Variants in ZNF599 observed in about 807,000 individuals in gnomAD.
ZNF599 encodes the protein zinc finger protein 599.
In ZNF599, 10 loss-of-function variants were observed where a neutral mutation model predicts 11.7. That is an observed-to-expected ratio of 0.86 (90% confidence interval 0.53 to 1.45). The LOEUF (loss-of-function observed/expected upper bound fraction) is 1.45. Ranked by LOEUF, ZNF599 falls within the 40% of genes most tolerant of loss-of-function variation. ZNF599 has a pLI of 0.00. For missense variants in ZNF599, 688 were observed against 713.6 expected (o/e 0.96, Z 0.41); for synonymous variants, 232 against 253.2 (o/e 0.92, Z 0.79).
chr19:34,779,486 A>T, the ZNF599 span: 1 of 456,714 alleles, frequency 2.2e-6, no homozygotes. Flanking sequence ...GGCTTTGGAT[A>T]ATTTCTCACA....
intron 3 of ZNF599, 61 bp downstream of exon 3, chr19:34,767,255 G>T: frequency 7.4e-7 from 1 of 1,347,394 alleles, no homozygotes; most frequent in Non-Finnish European, 1.1e-6. Flanking sequence ...TTCAGACACA[G>T]TGATGCCTGG....
At chr19:34,788,333 T>C in the ZNF599 span, among the ~76,000 whole-genome samples, 1 of 152,186 alleles carries the variant, frequency 6.6e-6, no homozygotes, top group African/African-American at 2.4e-5. Context: ...GAATTTCGGT[T>C]CATATCCTAA....
At position 34,759,503 on chromosome 19, in the gene ZNF599, C is replaced by T. The variant is rs866256729; in HGVS notation, c.1298G>A (p.Cys433Tyr). The stretch of plus-strand genomic sequence containing the variant: ...ATGTTGAATTAAGGAAGAGCTGTCA[C>T]AAAAGGCCTTCCCACATTCTTTGCA... ...FECKECGKAFCDSSSLIQHMR... is the reference protein window; with the variant it reads ...FECKECGKAFYDSSSLIQHMR... Residue 433 changes from cysteine to tyrosine, a missense_variant, in exon 4 of 4, where the codon TGT (cysteine) becomes TAT (tyrosine). Cys to Tyr is a radical substitution (Grantham distance 194). Coordinates refer to ENST00000329285, the MANE Select transcript of ZNF599 (RefSeq NM_001007248.3). 1.2e-6 allele frequency: 2 copies of T among 1,614,062 alleles called. No homozygotes were observed. Among genetic ancestry groups the T allele is most frequent in the East Asian group, 2.2e-5 (1 of 44,876 alleles).
chr19:34,807,386 C>T, the ZNF599 span, among the ~76,000 whole-genome samples: 1 of 152,196 alleles, frequency 6.6e-6, no homozygotes, highest in African/African-American at 2.4e-5. Context: ...AGGATGGGGA[C>T]AGCCACATGG....
In ZNF599 at chr19:34,773,001, G is replaced by C; in HGVS notation, c.-160C>G. The C allele has an allele frequency of 1.2e-6, 1 of 853,138 alleles. No individual in the cohort carries two copies. The highest frequency in any genetic ancestry group is 1.7e-6 in the Non-Finnish European group (1 of 590,312). 52.8% of individuals were successfully genotyped at this position (853,138 alleles called of 1,614,324 possible). On this transcript the variant is annotated 5_prime_UTR_variant, in exon 1 of 4. Coordinates refer to ENST00000329285, the MANE Select transcript of ZNF599 (RefSeq NM_001007248.3). Reference sequence around the variant, plus strand: ...GCGGCGCCGCCTCTGCGCGCCGTGAGGACACAGGGCTGTCGCCAAGGCCCC... The same window carrying C: ...GCGGCGCCGCCTCTGCGCGCCGTGACGACACAGGGCTGTCGCCAAGGCCCC...
chr19:34,788,712 G>A, the ZNF599 span: 1 of 152,218 alleles, frequency 6.6e-6, no homozygotes, highest in South Asian at 2.1e-4. Flanking sequence ...TGTAGAAAAC[G>A]TGACAAATAT....
At chr19:34,778,836 A>G in the ZNF599 span, among the ~76,000 whole-genome samples, 10 of 152,224 alleles carry the variant, frequency 6.6e-5, no homozygotes, top group Admixed American at 6.5e-4. Context: ...GAAAACAGAA[A>G]TATCTACCCA....
chr19:34,781,213 A>G, the ZNF599 span, among the ~76,000 whole-genome samples: 1 of 151,896 alleles, frequency 6.6e-6, no homozygotes, highest in Non-Finnish European at 1.5e-5. Context: ...AAAAGGAAGG[A>G]AGGAAATGAA....
chr19:34,803,916 A>G, the ZNF599 span, among the ~76,000 whole-genome samples: 1 of 152,118 alleles, frequency 6.6e-6, no homozygotes, highest in Non-Finnish European at 1.5e-5. Flanking sequence ...AGATATTGCT[A>G]TCTTCCTATC....
upstream of ZNF599, among the ~76,000 whole-genome samples, chr19:34,774,024 C>T (rs2069204085): frequency 6.6e-6 from 1 of 152,192 alleles, no homozygotes; most frequent in Non-Finnish European, 1.5e-5. Flanking sequence ...CTCATGAATA[C>T]TGTTTAAATT....
the ZNF599 span, among the ~76,000 whole-genome samples, chr19:34,784,363 T>C: frequency 6.6e-6 from 1 of 152,236 alleles, no homozygotes; most frequent in Non-Finnish European, 1.5e-5. Flanking sequence ...GATCTCATTT[T>C]AACACGATTA....
chr19:34,761,388 A>G (rs1406473917), intron 3 of ZNF599, among the ~76,000 whole-genome samples: 1 of 152,240 alleles, frequency 6.6e-6, no homozygotes, highest in Non-Finnish European at 1.5e-5. Flanking sequence ...ATTCACTTCT[A>G]AATTCAATAC....
the ZNF599 span, among the ~76,000 whole-genome samples, chr19:34,807,494 T>G: frequency 1.3e-5 from 2 of 152,168 alleles, no homozygotes; most frequent in Admixed American, 6.5e-5. Context: ...GGACAAGGCT[T>G]CCTGTTGCCT....
At chr19:34,772,308 C>A in intron 1 of ZNF599, 2 of 988,972 alleles carry the variant, frequency 2.0e-6, no homozygotes, top group Non-Finnish European at 2.4e-6. Context: ...CTTCTAGCCT[C>A]CTGCCAAAAA....
At chr19:34,768,534 G>C (rs969239986) in intron 2 of ZNF599, among the ~76,000 whole-genome samples, 4 of 152,220 alleles carry the variant, frequency 2.6e-5, no homozygotes, top group African/African-American at 9.7e-5. Flanking sequence ...GTTTAGGTGG[G>C]AGAGCATTTG....
intron 3 of ZNF599, among the ~76,000 whole-genome samples, chr19:34,766,815 C>T (rs2069146777): frequency 6.6e-6 from 1 of 152,166 alleles, no homozygotes; most frequent in Admixed American, 6.5e-5. Context: ...GTGACTACTG[C>T]CCTTCTCTCC....
chr19:34,766,817 C>T (rs531640141), intron 3 of ZNF599, among the ~76,000 whole-genome samples: 11 of 152,312 alleles, frequency 7.2e-5, no homozygotes, highest in African/African-American at 2.6e-4. Flanking sequence ...GACTACTGCC[C>T]TTCTCTCCCA....
the ZNF599 span, chr19:34,779,424 C>T: frequency 4.4e-6 from 2 of 454,940 alleles, no homozygotes; most frequent in African/African-American, 2.0e-5. Flanking sequence ...ATAGTCACTA[C>T]ACTCATGAAA....
In ZNF599 at chr19:34,758,779, C is replaced by T. The variant is rs182724256; in HGVS notation, c.*255G>A. The T allele has an allele frequency of 4.3e-3, 1,550 of 364,668 alleles. 4 individuals carry two copies. The highest frequency in any genetic ancestry group is 6.0e-3 in the Non-Finnish European group (1,215 of 203,204). 22.6% of individuals were successfully genotyped at this position (364,668 alleles called of 1,614,324 possible). ...ATGTTAACCACCAGGTCTCTCCCCT[C>T]GATTATTCTCAGGTACAGTGTAAGG... is the stretch of plus-strand genomic sequence containing the variant. On this transcript the variant is annotated 3_prime_UTR_variant, in exon 4 of 4. Coordinates refer to ENST00000329285, the MANE Select transcript of ZNF599 (RefSeq NM_001007248.3).
Sources: allele counts gnomAD v4.1 joint callset (sites outside exome capture counted in the v4.1 genomes callset), GRCh38; gene constraint gnomAD v4.1.1; transcripts MANE v1.5; gene names NCBI Gene and HGNC (gene_info 2026-07-23, HGNC 2026-07-21).